The following PIR variants were observed in gnomAD, a reference collection of about 807,000 sequenced individuals.
PIR encodes the protein pirin (iron-binding nuclear protein).
PIR carries 22 observed loss-of-function variants against 24.2 expected under a neutral mutation model. The ratio of observed to expected loss-of-function variants is 0.91; its 90% CI spans 0.65 to 1.30. PIR has a LOEUF of 1.30. PIR is among the 50% of genes most tolerant of loss of function. PIR has a pLI of 0.00. For synonymous variants in PIR, 80 were observed against 79.6 expected (o/e 1.00, Z -0.03); for missense variants, 220 against 220.3 (o/e 1.00, Z 0.01).
chrX:15,417,682 G>T (rs1040702614), intron 6 of PIR, among the ~76,000 whole-genome samples: 2 of 111,487 alleles, frequency 1.8e-5, no homozygotes, highest in African/African-American at 6.5e-5. Flanking sequence ...AGGCTGTAGG[G>T]GGACATTTGT....
intron 5 of PIR, among the ~76,000 whole-genome samples, chrX:15,441,846 C>T (rs187852770): frequency 2.9e-4 from 32 of 111,314 alleles, no homozygotes; most frequent in African/African-American, 8.2e-4. Context: ...TCTGCCTGGA[C>T]GTGGTTAATG....
intron 6 of PIR, among the ~76,000 whole-genome samples, chrX:15,422,783 C>A (rs1006549485): frequency 9.0e-6 from 1 of 111,510 alleles, no homozygotes; most frequent in African/African-American, 3.3e-5. Flanking sequence ...TCAATGCAAT[C>A]CCTACCAAAA....
chrX:15,415,738 A>G (rs985388487), intron 6 of PIR, among the ~76,000 whole-genome samples: 2 of 111,928 alleles, frequency 1.8e-5, no homozygotes, highest in African/African-American at 6.5e-5. Context: ...TGTACAAGAT[A>G]AATACGTACA....
At chrX:15,396,609 A>G (rs751277088) in intron 8 of PIR, among the ~76,000 whole-genome samples, 3 of 112,021 alleles carry the variant, frequency 2.7e-5, no homozygotes, top group Non-Finnish European at 3.8e-5. Context: ...GACATGAGAA[A>G]GAAACCTGGA....
chrX:15,390,680 G>A (rs1200344978), intron 8 of PIR, among the ~76,000 whole-genome samples: 1 of 111,180 alleles, frequency 9.0e-6, no homozygotes, highest in African/African-American at 3.3e-5. Flanking sequence ...TGTAAAATAT[G>A]CCCCGGAAAT....
At chrX:15,410,930 A>G (rs1198917575) in intron 6 of PIR, among the ~76,000 whole-genome samples, 4 of 112,533 alleles carry the variant, frequency 3.6e-5, no homozygotes, top group African/African-American at 1.3e-4. Context: ...AAGAAAACAA[A>G]TGCCAAATTT....
At chrX:15,460,610 A>C (rs1265296654) in intron 3 of PIR, among the ~76,000 whole-genome samples, 4 of 111,617 alleles carry the variant, frequency 3.6e-5, no homozygotes, top group Non-Finnish European at 7.5e-5. Context: ...GACAAGATGA[A>C]TATGTTCTGA....
At chrX:15,479,866 C>T in intron 2 of PIR, 45 bp from the exon 3 acceptor site, 2 of 701,667 alleles carry the variant, frequency 2.9e-6, no homozygotes, top group Non-Finnish European at 4.4e-6. Context: ...TCTTTTAAGC[C>T]ATACTACCAG....
intron 3 of PIR, among the ~76,000 whole-genome samples, chrX:15,472,348 G>A (rs1338711083): frequency 9.0e-6 from 1 of 111,650 alleles, no homozygotes; most frequent in African/African-American, 3.3e-5. Context: ...AGTTTCTTGG[G>A]GATCCTTTCA....
intron 5 of PIR, among the ~76,000 whole-genome samples, chrX:15,452,413 C>G (rs1313921749): frequency 9.0e-6 from 1 of 111,648 alleles, no homozygotes; most frequent in Non-Finnish European, 1.9e-5. Flanking sequence ...TCTGTCTTGG[C>G]TTTCCAAGGG....
At chrX:15,390,501 C>T (rs1923924575) in intron 8 of PIR, among the ~76,000 whole-genome samples, 2 of 111,693 alleles carry the variant, frequency 1.8e-5, no homozygotes, top group Admixed American at 9.5e-5. Flanking sequence ...AGAAGGAGAA[C>T]TTAAATTAAG....
At chrX:15,390,278 C>A in intron 8 of PIR, 27 bp from the exon 9 acceptor site, 2 of 898,031 alleles carry the variant, frequency 2.2e-6, no homozygotes, top group Non-Finnish European at 3.1e-6. Flanking sequence ...AAACATCAAA[C>A]AATAAGCAGG....
intron 3 of PIR, among the ~76,000 whole-genome samples, chrX:15,466,075 C>T (rs1330333444): frequency 2.5e-5 from 2 of 81,243 alleles, no homozygotes; most frequent in East Asian, 4.3e-4. Context: ...AAACAAAACA[C>T]GAGTTGAGGT....
intron 7 of PIR, among the ~76,000 whole-genome samples, chrX:15,406,894 G>A (rs904498259): frequency 3.6e-5 from 4 of 112,247 alleles, no homozygotes; most frequent in Non-Finnish European, 5.6e-5. Flanking sequence ...GGGGTGAAGC[G>A]TGGAGAGCAG....
intron 6 of PIR, among the ~76,000 whole-genome samples, chrX:15,415,173 T>C (rs368196205): frequency 9.0e-6 from 1 of 111,619 alleles, no homozygotes; most frequent in African/African-American, 3.3e-5. Flanking sequence ...ACTAACTAAT[T>C]GATATTGAGT....
At chrX:15,490,136 A>C (rs1237744874) in intron 2 of PIR, among the ~76,000 whole-genome samples, 1 of 111,968 alleles carries the variant, frequency 8.9e-6, no homozygotes, top group African/African-American at 3.2e-5. Context: ...ATCCCACAAT[A>C]TAGACACCTA....
intron 6 of PIR, among the ~76,000 whole-genome samples, chrX:15,425,399 TTTTC>T (rs1343730799): frequency 1.2e-4 from 13 of 107,809 alleles, no homozygotes; most frequent in South Asian, 3.9e-4. Context: ...TCTGATTTTC[TTTTC>T]TTTCTTTCTT....
intron 2 of PIR, among the ~76,000 whole-genome samples, chrX:15,481,597 TC>T (rs1315311867): frequency 8.9e-6 from 1 of 112,042 alleles, no homozygotes; most frequent in African/African-American, 3.2e-5. Context: ...AAATTATTTT[TC>T]TAGCTAACTT....
chrX:15,427,003 A>G (rs1027404872), intron 5 of PIR, among the ~76,000 whole-genome samples: 5 of 112,018 alleles, frequency 4.5e-5, no homozygotes, highest in Non-Finnish European at 7.5e-5. Flanking sequence ...TGGATAAATG[A>G]AATGTAATAT....
Sources: allele counts gnomAD v4.1 joint callset (sites outside exome capture counted in the v4.1 genomes callset), GRCh38; gene constraint gnomAD v4.1.1; transcripts MANE v1.5; gene names NCBI Gene and HGNC (gene_info 2026-07-23, HGNC 2026-07-21).